Variants in NSMAF observed in about 807,000 individuals in gnomAD.
NSMAF encodes the protein protein FAN.
Under a neutral mutation model 134.9 loss-of-function variants are expected in NSMAF, and 90 were observed. The ratio of observed to expected loss-of-function variants is 0.67; its 90% CI spans 0.56 to 0.79. The LOEUF is 0.79. Ranked by LOEUF, NSMAF falls within the 30% of genes least tolerant of loss-of-function variation. The pLI is 0.00. For missense variants in NSMAF, 1,010 were observed against 1,119.0 expected, an observed-to-expected ratio of 0.90 and a Z score of 1.39; for synonymous variants, 358 against 389.6, an observed-to-expected ratio of 0.92 and a Z score of 0.96.
intron 21 of NSMAF, 46 bp downstream of exon 21, chr8:58,597,341 A>T: frequency 6.5e-7 from 1 of 1,536,250 alleles, no homozygotes; most frequent in South Asian, 1.1e-5. Context: ...TTCATCACAG[A>T]AGAGAAACAA....
At chr8:58,588,929 T>C (rs981165882) in intron 26 of NSMAF, among the ~76,000 whole-genome samples, 1 of 152,024 alleles carries the variant, frequency 6.6e-6, no homozygotes, top group Non-Finnish European at 1.5e-5. Context: ...GAATACACAG[T>C]ACAGAAATCA....
chr8:58,655,928 A>T (rs1807697442), intron 1 of NSMAF, among the ~76,000 whole-genome samples: 2 of 152,118 alleles, frequency 1.3e-5, no homozygotes, highest in African/African-American at 4.8e-5. Context: ...AATAAAAAAT[A>T]AAAAATGTTT....
In NSMAF at chr8:58,647,716, C is replaced by T. The variant is rs544335480; in HGVS notation, c.60-4643G>A. On this transcript the variant is annotated intron_variant, in intron 1 of 30. Transcript: ENST00000038176. ...CTCACTTTCTGCCATAGTAAAAGCT[C>T]CCTGAGGCTTACCAGAAACCAAGCA... 1.7e-3 allele frequency among the ~76,000 whole-genome samples: 259 copies of T among 152,308 alleles called. 1 individual carries two copies. The highest frequency in any genetic ancestry group is 4.1e-3 in the Admixed American group (63 of 15,296).
At chr8:58,617,983 A>G (rs1806700984) in intron 9 of NSMAF, among the ~76,000 whole-genome samples, 1 of 152,202 alleles carries the variant, frequency 6.6e-6, no homozygotes, top group Non-Finnish European at 1.5e-5. Context: ...ATGCAGCCAT[A>G]AAAAGGGATG....
At chr8:58,646,590 A>G (rs914226505) in intron 1 of NSMAF, among the ~76,000 whole-genome samples, 5 of 152,224 alleles carry the variant, frequency 3.3e-5, no homozygotes, top group African/African-American at 1.2e-4. Context: ...AAGGATTATG[A>G]AACTTTTCTG....
chr8:58,648,628 T>G (rs1807514124), intron 1 of NSMAF, among the ~76,000 whole-genome samples: 1 of 152,172 alleles, frequency 6.6e-6, no homozygotes, highest in Admixed American at 6.5e-5. Context: ...CACTACCCCA[T>G]ACAGCCTAGG....
In NSMAF at chr8:58,599,333, T is replaced by G; in HGVS notation, c.1484A>C (p.Asp495Ala). ...SPEDFLQKSK[D>A]ALESNYVSEH... ...AGACACATAATTGCTTTCCAATGCA[T>G]CTTTGCTCTTCTGGAGAAAGTCCTC... is the stretch of plus-strand genomic sequence containing the variant. Residue 495 changes from aspartate (D) to alanine (A), a missense_variant, in exon 19 of 31, where the codon GAT (aspartate) becomes GCT (alanine). Physicochemically the swap from Asp to Ala is moderately radical, Grantham distance 126. Transcript: ENST00000038176. 6.2e-7 allele frequency: 1 copy of G among 1,614,104 alleles called. No individual in the cohort carries two copies. Among genetic ancestry groups the G allele is most frequent in the Non-Finnish European group, 8.5e-7 (1 of 1,179,964 alleles).
chr8:58,646,538 C>T (rs1367609769), intron 1 of NSMAF, among the ~76,000 whole-genome samples: 2 of 152,126 alleles, frequency 1.3e-5, no homozygotes, highest in African/African-American at 2.4e-5. Flanking sequence ...AAATGTAAAA[C>T]ACACAGTGAA....
At chr8:58,619,988 T>G (rs973153204) in intron 9 of NSMAF, among the ~76,000 whole-genome samples, 1 of 152,184 alleles carries the variant, frequency 6.6e-6, no homozygotes, top group African/African-American at 2.4e-5. Flanking sequence ...AATAATTAGC[T>G]TAGTGGTACC....
chr8:58,617,819 C>G (rs1806696739), intron 9 of NSMAF, among the ~76,000 whole-genome samples: 1 of 152,058 alleles, frequency 6.6e-6, no homozygotes, highest in Non-Finnish European at 1.5e-5. Context: ...GGGTATATAC[C>G]CAAAGGATTA....
chr8:58,612,865 A>T (rs1806562468), intron 9 of NSMAF, among the ~76,000 whole-genome samples: 1 of 152,208 alleles, frequency 6.6e-6, no homozygotes, highest in Admixed American at 6.5e-5. Context: ...AGAAAACCAC[A>T]TCGTATATAG....
At chr8:58,659,432 C>G (rs1287204453) in intron 1 of NSMAF, 141 bp downstream of exon 1, 1 of 1,501,836 alleles carries the variant, frequency 6.7e-7, no homozygotes. Context: ...AGCCCCCAGC[C>G]CAGGCCCTGG....
At position 58,659,817 on chromosome 8, in the gene NSMAF, C is replaced by T. The variant is rs539200570; in HGVS notation, c.-186G>A. 18 of 305,874 alleles carry T rather than the reference C, an allele frequency of 5.9e-5. No individual in the cohort carries two copies. The highest frequency in any genetic ancestry group is 2.0e-3 in the Middle Eastern group (2 of 1,024). 18.9% of individuals were successfully genotyped at this position (305,874 alleles called of 1,614,324 possible). A position where few individuals can be genotyped will look rare whatever the true frequency, so the allele number is the denominator to read the frequency against. ...CGACGCGGCGTCCCGGCCGCGCTCA[C>T]CGCAGCATCCTCGCGTGGGGACTCC... On this transcript the variant is annotated 5_prime_UTR_variant, in exon 1 of 31. In the 5' UTR this introduces an upstream ATG that the reference lacks. Transcript: ENST00000038176.
Position 58,590,740 on chromosome 8 carries a change from A to G in NSMAF, c.2019+127T>C, listed in dbSNP as rs1423238994. Reference sequence around the variant, plus strand: ...AAATTAGAAGTAATCTAACTAAGGTATCTGGTAGATTTACTACACAGGAAT... The same window carrying G: ...AAATTAGAAGTAATCTAACTAAGGTGTCTGGTAGATTTACTACACAGGAAT... On this transcript the variant is annotated intron_variant, in intron 24 of 30. Transcript: ENST00000038176. 3 of 972,922 alleles carry G rather than the reference A, an allele frequency of 3.1e-6. No homozygotes were observed. The African/African-American group carries it at 5.1e-5, about 17-fold the overall frequency. 60.3% of individuals were successfully genotyped at this position (972,922 alleles called of 1,614,324 possible). A position where few individuals can be genotyped will look rare whatever the true frequency, so the allele number is the denominator to read the frequency against.
chr8:58,644,479 C>T (rs115400736), intron 1 of NSMAF, among the ~76,000 whole-genome samples: 3 of 152,062 alleles, frequency 2.0e-5, no homozygotes, highest in Non-Finnish European at 4.4e-5. Context: ...GTGCTAGAGA[C>T]GATGTGGAGA....
intron 1 of NSMAF, chr8:58,659,313 C>G: frequency 6.6e-7 from 1 of 1,526,648 alleles, no homozygotes. Context: ...CGGCATGCCT[C>G]GGCTCCGCGG....
chr8:58,644,912 TGAG>T (rs1486988547), intron 1 of NSMAF, among the ~76,000 whole-genome samples: 4 of 151,926 alleles, frequency 2.6e-5, no homozygotes, highest in African/African-American at 9.7e-5. Context: ...AGCTGAACAA[TGAG>T]AACACATGGA....
At chr8:58,635,847 A>G (rs1219129530) in intron 2 of NSMAF, among the ~76,000 whole-genome samples, 1 of 152,212 alleles carries the variant, frequency 6.6e-6, no homozygotes, top group East Asian at 1.9e-4. Flanking sequence ...ATCCAGAAAC[A>G]TCACACTGAG....
chr8:58,607,482 A>G (rs1266640359), intron 11 of NSMAF, among the ~76,000 whole-genome samples: 1 of 152,262 alleles, frequency 6.6e-6, no homozygotes, highest in African/African-American at 2.4e-5. Context: ...TTCTAGCCTG[A>G]GCCCAGAAAC....
Sources: gnomAD v4.1 joint callset for allele counts (sites outside exome capture counted in the v4.1 genomes callset) on GRCh38, gnomAD v4.1.1 for gene constraint, MANE v1.5 for transcripts, NCBI Gene and HGNC (gene_info 2026-07-23, HGNC 2026-07-21) for gene names.